KMT2C: variants seen among roughly 807,000 people sequenced by gnomAD.
KMT2C encodes the protein lysine methyltransferase 2C.
Under a neutral mutation model 507.9 loss-of-function variants are expected in KMT2C, and 88 were observed. The observed-to-expected ratio is 0.17, with a 90% CI of 0.15 to 0.21. KMT2C has a LOEUF of 0.21. Among genes scored for constraint, KMT2C ranks in the 10% least tolerant of loss-of-function variants. KMT2C has a pLI of 1.00. For synonymous variants in KMT2C, 2,049 were observed against 2,080.8 expected (o/e 0.98, Z 0.42); for missense variants, 4,954 against 5,957.8 (o/e 0.83, Z 5.55).
At chr7:152,186,694 T>C (rs2129124042) in intron 33 of KMT2C, among the ~76,000 whole-genome samples, 1 of 152,354 alleles carries the variant, frequency 6.6e-6, no homozygotes, top group East Asian at 1.9e-4. Flanking sequence ...TCTGATACCA[T>C]GAACTCAAAA....
chr7:152,234,283 G>A (rs1300460748), intron 16 of KMT2C, among the ~76,000 whole-genome samples: 1 of 152,154 alleles, frequency 6.6e-6, no homozygotes, highest in Non-Finnish European at 1.5e-5. Flanking sequence ...CCAGGGGGCT[G>A]AGGCAGGGGA....
chr7:152,223,048 C>A (rs776120773), intron 20 of KMT2C, among the ~76,000 whole-genome samples: 1 of 152,156 alleles, frequency 6.6e-6, no homozygotes, highest in Non-Finnish European at 1.5e-5. Context: ...CCAGGTAATG[C>A]ATCTAACTTG....
intron 1 of KMT2C, among the ~76,000 whole-genome samples, chr7:152,384,546 TAACACCACCACC>T (rs2097403207): frequency 1.2e-4 from 2 of 17,104 alleles, no homozygotes; most frequent in Admixed American, 4.0e-4. Context: ...CCCATGTGCA[TAACACCACCACC>T]ACCACCACCA....
Position 152,250,886 on chromosome 7 carries a change from C to G in KMT2C, c.1702G>C (p.Gly568Arg), listed in dbSNP as rs145240734. ...ACAATTCCAGGAGTGGACTCCTGAC[C>G]GTTGACATCTTTATTAGCTGCCTGC... The part of the protein sequence containing the change: ...SEQAANKDVN[G>R]QESTPGIVPD... Residue 568 changes from glycine (G) to arginine (R), a missense_variant, in exon 12 of 59, where the codon GGT becomes CGT. Gly to Arg is a moderately radical substitution (Grantham distance 125, BLOSUM62 -2). Around this residue, in one of 29 missense-constraint regions of KMT2C, gnomAD observed 376 missense variants for 352.4 expected, o/e 1.07. Coordinates refer to ENST00000262189, the MANE Select transcript of KMT2C (RefSeq NM_170606.3). The G allele has an allele frequency of 1.4e-5, 22 of 1,607,152 alleles. No individual in the cohort carries two copies. Among genetic ancestry groups the G allele is most frequent in the Non-Finnish European group, 1.5e-5 (18 of 1,173,802 alleles).
At chr7:152,353,948 T>C (rs879359820) in intron 2 of KMT2C, among the ~76,000 whole-genome samples, 43 of 151,208 alleles carry the variant, frequency 2.8e-4, no homozygotes, top group Middle Eastern at 3.4e-3. Context: ...TTAAATGAAC[T>C]AGAAATTTAT....
chr7:152,150,161 C>T (rs2129096106), intron 51 of KMT2C, among the ~76,000 whole-genome samples: 1 of 152,240 alleles, frequency 6.6e-6, no homozygotes. Flanking sequence ...TTGTATCAAC[C>T]ATTAGTTGGA....
rs1197132317 is a variant in KMT2C at position 152,178,021 on chromosome 7, A to ATT, written c.7443-12_7443-11insAA. On this transcript the variant is annotated splice_polypyrimidine_tract_variant and intron_variant, in intron 37 of 58. Coordinates refer to ENST00000262189, the MANE Select transcript of KMT2C (RefSeq NM_170606.3). Reference sequence around the variant, plus strand: ...CCTGGAAATCCAAATCTTTTAAAAAAAAAAAAAAAAAAAAAAAAAAAGCAA... The same window carrying ATT: ...CCTGGAAATCCAAATCTTTTAAAAAATTAAAAAAAAAAAAAAAAAAAAAGCAA... The ATT allele has an allele frequency of 1.5e-6, 2 of 1,350,752 alleles. No individual in the cohort carries two copies. The highest frequency in any genetic ancestry group is 3.8e-5 in the African/African-American group (2 of 51,952). The allele number at this position is 1,350,752 out of a possible 1,614,324, so 83.7% of individuals were successfully genotyped here. A position where few individuals can be genotyped will look rare whatever the true frequency, so the allele number is the denominator to read the frequency against.
chr7:152,383,557 A>G (rs2097393645), intron 1 of KMT2C, among the ~76,000 whole-genome samples: 1 of 152,236 alleles, frequency 6.6e-6, no homozygotes, highest in Non-Finnish European at 1.5e-5. Flanking sequence ...ATGTTATGGG[A>G]ACTAGTTTGT....
chr7:152,337,894 C>T (rs10230677), intron 2 of KMT2C, among the ~76,000 whole-genome samples: 16,027 of 151,068 alleles, frequency 0.11, 2,031 homozygotes, highest in African/African-American at 0.31. Flanking sequence ...TCTCGCTCTG[C>T]CGCCCAGGCT....
intron 1 of KMT2C, among the ~76,000 whole-genome samples, chr7:152,394,364 G>A (rs2097524084): frequency 6.6e-6 from 1 of 152,302 alleles, no homozygotes; most frequent in African/African-American, 2.4e-5. Context: ...CTTCTCTTAT[G>A]ATGTTTTCTC....
intron 3 of KMT2C, among the ~76,000 whole-genome samples, chr7:152,315,931 A>T (rs868500368): frequency 5.3e-5 from 8 of 152,254 alleles, no homozygotes; most frequent in Non-Finnish European, 1.0e-4. Flanking sequence ...AAAAAAATGC[A>T]AGTTAAAAAT....
chr7:152,351,467 GACT>G (rs2129226393), intron 2 of KMT2C, among the ~76,000 whole-genome samples: 1 of 152,230 alleles, frequency 6.6e-6, no homozygotes, highest in East Asian at 1.9e-4. Flanking sequence ...AATTTTATGG[GACT>G]ACTGTCATAT....
chr7:152,182,879 G>A, intron 35 of KMT2C, 95 bp downstream of exon 35: 1 of 904,996 alleles, frequency 1.1e-6, no homozygotes, highest in Non-Finnish European at 1.7e-6. Flanking sequence ...AATTTTCATG[G>A]TCTAAGAACT....
chr7:152,194,173 G>C (rs2129128964), intron 30 of KMT2C, 45 bp from the exon 31 acceptor site: 1 of 1,566,508 alleles, frequency 6.4e-7, no homozygotes, highest in East Asian at 2.3e-5. Flanking sequence ...AAGACTAGTA[G>C]GGTCCTGGTA....
At chr7:152,435,580 G>C (rs1355438992) in intron 1 of KMT2C, 46 bp downstream of exon 1, 2 of 1,302,866 alleles carry the variant, frequency 1.5e-6, no homozygotes, top group South Asian at 3.4e-5. Flanking sequence ...GCTCCGGCCC[G>C]GCGCCGCCGC....
intron 6 of KMT2C, among the ~76,000 whole-genome samples, chr7:152,305,577 A>C (rs2096609367): frequency 6.6e-6 from 1 of 151,888 alleles, no homozygotes; most frequent in Non-Finnish European, 1.5e-5. Flanking sequence ...TTCTCAGAAT[A>C]AAATGGGAAG....
At chr7:152,141,712 CAAAAA>C (rs1249621681) in intron 55 of KMT2C, among the ~76,000 whole-genome samples, 1 of 61,866 alleles carries the variant, frequency 1.6e-5, no homozygotes, top group African/African-American at 5.8e-5. Context: ...GACTCTGTCT[CAAAAA>C]AAAAAAAAAA....
intron 1 of KMT2C, among the ~76,000 whole-genome samples, chr7:152,435,077 G>A (rs890335204): frequency 1.3e-5 from 2 of 152,084 alleles, no homozygotes; most frequent in Admixed American, 6.5e-5. Flanking sequence ...AGAAAACACA[G>A]GTTTGGGACC....
chr7:152,409,243 G>T (rs1169266355), intron 1 of KMT2C, among the ~76,000 whole-genome samples: 1 of 151,936 alleles, frequency 6.6e-6, no homozygotes, highest in Admixed American at 6.6e-5. Context: ...CTTACCTCGA[G>T]TGATCCACCT....
Sources: allele counts gnomAD v4.1 joint callset (sites outside exome capture counted in the v4.1 genomes callset), GRCh38; gene constraint gnomAD v4.1.1; regional missense constraint gnomAD v4.1.1; transcripts MANE v1.5; gene names NCBI Gene and HGNC (gene_info 2026-07-23, HGNC 2026-07-21).